CMC2: variants seen among roughly 807,000 people sequenced by gnomAD.
The protein encoded by CMC2 is COX assembly mitochondrial protein 2 homolog.
In CMC2, 5 loss-of-function variants were observed where a neutral mutation model predicts 7.5. That is an observed-to-expected ratio of 0.66 (90% CI 0.35 to 1.40). The LOEUF (loss-of-function observed/expected upper bound fraction) is 1.40. Among genes scored for constraint, CMC2 ranks in the 40% most tolerant of loss-of-function variants. The pLI, the probability that CMC2 is intolerant of heterozygous loss-of-function variation, is 0.04. For missense variants in CMC2, 115 were observed against 92.3 expected (o/e 1.25, Z -1.01); for synonymous variants, 37 against 31.4 (o/e 1.18, Z -0.60).
chr16:80,980,950 A>T (rs1207822602), intron 3 of CMC2: 12 of 602,938 alleles, frequency 2.0e-5, no homozygotes, highest in Admixed American at 5.1e-5. Context: ...AAAGTTCTTC[A>T]AACAGTAAAG....
Position 81,006,874 on chromosome 16 carries a change from T to G in CMC2, c.-176A>C. 2 of 985,898 alleles carry G rather than the reference T, an allele frequency of 2.0e-6. No homozygotes were observed. Among genetic ancestry groups the G allele is most frequent in the Middle Eastern group, 5.2e-4 (1 of 1,916 alleles). 61.1% of individuals were successfully genotyped at this position (985,898 alleles called of 1,614,324 possible). A position where few individuals can be genotyped will look rare whatever the true frequency, so the allele number is the denominator to read the frequency against. ...AGTGACGCCCTCCACCGCTCCACCG[T>G]GCTCCCGGCTCCTCGCCCCCGCCGC... On this transcript the variant is annotated 5_prime_UTR_variant, in exon 1 of 4. Transcript: ENST00000219400.
intron 2 of CMC2, among the ~76,000 whole-genome samples, chr16:80,995,420 C>T (rs1419452725): frequency 6.6e-5 from 10 of 152,166 alleles, no homozygotes; most frequent in Non-Finnish European, 1.3e-4. Context: ...CTTTGGGAGG[C>T]CGAGGCGGGA....
At chr16:80,993,544 C>T (rs1046721480) in intron 2 of CMC2, among the ~76,000 whole-genome samples, 1 of 152,142 alleles carries the variant, frequency 6.6e-6, no homozygotes, top group African/African-American at 2.4e-5. Flanking sequence ...ATAGTCACTA[C>T]GAAGAACAAT....
At chr16:81,002,157 G>A (rs1473829372) in intron 1 of CMC2, among the ~76,000 whole-genome samples, 1 of 152,156 alleles carries the variant, frequency 6.6e-6, no homozygotes, top group Non-Finnish European at 1.5e-5. Context: ...AGATGCGGTG[G>A]CTCACACCTG....
intron 2 of CMC2, among the ~76,000 whole-genome samples, chr16:80,985,629 A>G (rs1967459025): frequency 6.6e-6 from 1 of 152,104 alleles, no homozygotes. Flanking sequence ...ATAATGTTAA[A>G]AGAGTGCAAA....
intron 3 of CMC2, among the ~76,000 whole-genome samples, chr16:80,977,691 G>A (rs139785432): frequency 1.3e-5 from 2 of 152,294 alleles, no homozygotes; most frequent in African/African-American, 2.4e-5. Context: ...TCTTTAAGAA[G>A]TTTTCTAGGT....
chr16:80,974,783 G>A lies in CMC2; in HGVS notation c.*1310C>T, dbSNP rs1912160052. The A allele has an allele frequency of 6.6e-6, 1 of 152,138 alleles. No homozygotes were observed. Among genetic ancestry groups the A allele is most frequent in the Non-Finnish European group, 1.5e-5 (1 of 68,018 alleles). The allele number at this position is 152,138 out of a possible 1,614,324, so 9.4% of individuals were successfully genotyped here. On this transcript the variant is annotated 3_prime_UTR_variant, in exon 4 of 4. Coordinates refer to ENST00000219400, the MANE Select transcript of CMC2 (RefSeq NM_020188.5). ...GTATTTCTACTGCCTGACACTAGGG[G>A]GACTGAATAAATATTCATACACTTT...
At chr16:81,004,599 A>G (rs1343045133) in intron 1 of CMC2, among the ~76,000 whole-genome samples, 1 of 152,238 alleles carries the variant, frequency 6.6e-6, no homozygotes, top group Non-Finnish European at 1.5e-5. Flanking sequence ...GAAATTCCTT[A>G]AAATTTTCAG....
intron 1 of CMC2, among the ~76,000 whole-genome samples, chr16:81,003,248 A>G (rs1968998063): frequency 6.6e-6 from 1 of 152,270 alleles, no homozygotes; most frequent in Non-Finnish European, 1.5e-5. Flanking sequence ...TTCTAGTAAC[A>G]CAATTTAACT....
At chr16:80,984,774 A>G (rs371447228) in intron 2 of CMC2, among the ~76,000 whole-genome samples, 2 of 152,350 alleles carry the variant, frequency 1.3e-5, no homozygotes, top group East Asian at 1.9e-4. Flanking sequence ...TGTACATCTT[A>G]ATTCAAAAAT....
intron 1 of CMC2, among the ~76,000 whole-genome samples, chr16:81,006,166 C>T (rs1203333937): frequency 2.0e-5 from 3 of 151,422 alleles, no homozygotes; most frequent in African/African-American, 7.3e-5. Flanking sequence ...GCAAGAAAAG[C>T]AAGATGAATG....
rs1161168771 is a variant in CMC2, at chr16:80,971,379, G to A, written c.*4714C>T. The A allele has an allele frequency of 2.0e-5, 3 of 151,240 alleles. No homozygotes were observed. The highest frequency in any genetic ancestry group is 2.9e-5 in the Non-Finnish European group (2 of 67,918). The allele number at this position is 151,240 out of a possible 1,614,324, so 9.4% of individuals were successfully genotyped here. ...GGGAAATACATAAACCGTGGTATAG[G>A]CCTACAACAAAATGCTATATAGCAG... On this transcript the variant is annotated 3_prime_UTR_variant, in exon 4 of 4. Coordinates refer to ENST00000219400, the MANE Select transcript of CMC2 (RefSeq NM_020188.5).
chr16:80,994,654 A>C (rs1319250139), intron 2 of CMC2, among the ~76,000 whole-genome samples: 3 of 152,252 alleles, frequency 2.0e-5, no homozygotes, highest in Non-Finnish European at 4.4e-5. Context: ...ATACTACTAC[A>C]TATCCACACA....
Position 80,976,192 on chromosome 16 carries a change from A to T in CMC2, c.154-13T>A, listed in dbSNP as rs377531723. The stretch of plus-strand genomic sequence containing the variant: ...TGTTTTCTACGTACTGAAAAATAAA[A>T]GAAGGGGGGGAGAAAAGAAACAGCA... On this transcript the variant is annotated splice_polypyrimidine_tract_variant and intron_variant, in intron 3 of 3. Coordinates refer to ENST00000219400, the MANE Select transcript of CMC2 (RefSeq NM_020188.5). 4.8e-6 allele frequency: 7 copies of T among 1,454,424 alleles called. No homozygotes were observed. In the African/African-American group the frequency reaches 8.7e-5, roughly 18 times the overall value. The allele number at this position is 1,454,424 out of a possible 1,614,324, so 90.1% of individuals were successfully genotyped here. A position where few individuals can be genotyped will look rare whatever the true frequency, so the allele number is the denominator to read the frequency against.
intron 2 of CMC2, among the ~76,000 whole-genome samples, chr16:80,986,044 A>T (rs2151627516): frequency 6.6e-6 from 1 of 152,256 alleles, no homozygotes; most frequent in Admixed American, 6.5e-5. Context: ...AGGCAAAAGG[A>T]TCTATTAAAA....
intron 1 of CMC2, among the ~76,000 whole-genome samples, chr16:81,001,540 C>T (rs148749544): frequency 3.3e-5 from 5 of 152,114 alleles, no homozygotes; most frequent in Admixed American, 2.0e-4. Flanking sequence ...TGGAGATGGA[C>T]GGTGGTGATG....
At chr16:81,004,872 G>C (rs1000982536) in intron 1 of CMC2, among the ~76,000 whole-genome samples, 2 of 152,196 alleles carry the variant, frequency 1.3e-5, no homozygotes, top group Non-Finnish European at 2.9e-5. Flanking sequence ...ATTAACTCTA[G>C]TATAAAGAAA....
intron 2 of CMC2, among the ~76,000 whole-genome samples, chr16:80,985,948 G>A (rs1039998310): frequency 6.6e-5 from 10 of 150,568 alleles, no homozygotes; most frequent in African/African-American, 2.4e-4. Flanking sequence ...GGAGCTGTGG[G>A]AGAGTGGTGA....
rs771005927 is a variant in CMC2 at position 80,967,621 on chromosome 16, G to A, written c.*8472C>T. On this transcript the variant is annotated 3_prime_UTR_variant, in exon 4 of 4. Transcript: ENST00000219400. The stretch of plus-strand genomic sequence containing the variant: ...CCCAAAGTGCTGGGTTTACAGGCGT[G>A]AGCCACCTCGCCCAGCCTTCCTCGT... 2 of 152,320 alleles carry A rather than the reference G, an allele frequency of 1.3e-5. No homozygotes were observed. The highest frequency in any genetic ancestry group is 4.8e-5 in the African/African-American group (2 of 41,468). The allele number at this position is 152,320 out of a possible 1,614,324, so 9.4% of individuals were successfully genotyped here. A position where few individuals can be genotyped will look rare whatever the true frequency, so the allele number is the denominator to read the frequency against.
Sources: gnomAD v4.1 joint callset for allele counts (sites outside exome capture counted in the v4.1 genomes callset) on GRCh38, gnomAD v4.1.1 for gene constraint, MANE v1.5 for transcripts, NCBI Gene and HGNC (gene_info 2026-07-23, HGNC 2026-07-21) for gene names.